The following C11orf54 variants were observed in gnomAD, a reference collection of about 807,000 sequenced individuals.
C11orf54 encodes the protein beta-keto L-gulonate decarboxylase.
In C11orf54, 29 loss-of-function variants were observed where a neutral mutation model predicts 35.5. The observed-to-expected ratio is 0.82, with a 90% CI of 0.61 to 1.11. The LOEUF (loss-of-function observed/expected upper bound fraction) is 1.11. C11orf54 is among the 50% of genes most tolerant of loss of function. The probability of loss-of-function intolerance (pLI) is 0.00; values close to 1 mark genes in which losing one functional copy is unlikely to be tolerated. For missense variants in C11orf54, 373 were observed against 369.2 expected (o/e 1.01, Z -0.08); for synonymous variants, 108 against 121.1 (o/e 0.89, Z 0.71).
At chr11:93,753,197 G>A (rs942458339) in intron 3 of C11orf54, among the ~76,000 whole-genome samples, 1 of 152,150 alleles carries the variant, frequency 6.6e-6, no homozygotes, top group Non-Finnish European at 1.5e-5. Flanking sequence ...GGCTGGTCTC[G>A]AACTCCTGAC....
Position 93,761,854 on chromosome 11 carries a change from G to A in C11orf54, c.*166G>A, listed in dbSNP as rs1010888692. On this transcript the variant is annotated 3_prime_UTR_variant, in exon 9 of 9. Transcript: ENST00000354421. Reference sequence around the variant, plus strand: ...GGAGGCTGAGGCAGGAAGCACACTGGAGCCCAGGAGTTTGAGACCAGCTTG... The same window carrying A: ...GGAGGCTGAGGCAGGAAGCACACTGAAGCCCAGGAGTTTGAGACCAGCTTG... The A allele has an allele frequency of 5.4e-6, 3 of 554,276 alleles. No individual in the cohort carries two copies. The highest frequency in any genetic ancestry group is 5.6e-6 in the Non-Finnish European group (2 of 359,646). 34.3% of individuals were successfully genotyped at this position (554,276 alleles called of 1,614,324 possible).
In C11orf54 at chr11:93,762,695, TAGA is replaced by T. The variant is rs1943531283; in HGVS notation, c.*1010_*1012del. 6.6e-6 allele frequency: 1 copy of T among 152,192 alleles called. No individual in the cohort carries two copies. Among genetic ancestry groups the T allele is most frequent in the Non-Finnish European group, 1.5e-5 (1 of 68,042 alleles). The allele number at this position is 152,192 out of a possible 1,614,324, so 9.4% of individuals were successfully genotyped here. ...TTCCTCCCTTGTTTCGATTGCCAGT[TAGA>T]AGCAATTTTTATTTCACTGGTTATT... On this transcript the variant is annotated 3_prime_UTR_variant, in exon 9 of 9. Coordinates refer to ENST00000354421, the MANE Select transcript of C11orf54 (RefSeq NM_001286069.2).
intron 5 of C11orf54, among the ~76,000 whole-genome samples, chr11:93,754,268 A>G (rs1455672009): frequency 1.3e-5 from 2 of 152,216 alleles, no homozygotes; most frequent in Non-Finnish European, 2.9e-5. Context: ...CCTTAGATAA[A>G]TGCAGGGTTC....
At chr11:93,751,269 G>GT (rs1417818668) in intron 3 of C11orf54, among the ~76,000 whole-genome samples, 2 of 152,052 alleles carry the variant, frequency 1.3e-5, no homozygotes, top group Non-Finnish European at 2.9e-5. Context: ...TGAATTGAAT[G>GT]TTTTTTGGGG....
chr11:93,754,553 C>T (rs899842151), intron 5 of C11orf54, among the ~76,000 whole-genome samples: 1 of 152,032 alleles, frequency 6.6e-6, no homozygotes, highest in South Asian at 2.1e-4. Flanking sequence ...GAATACAAGA[C>T]TTCAGTCTGC....
intron 6 of C11orf54, among the ~76,000 whole-genome samples, chr11:93,756,931 C>T (rs1056926909): frequency 6.6e-6 from 1 of 152,132 alleles, no homozygotes; most frequent in East Asian, 1.9e-4. Context: ...ATCATTTTCT[C>T]CTCATCCCCA....
At chr11:93,749,460 C>A (rs927674092) in intron 2 of C11orf54, among the ~76,000 whole-genome samples, 1 of 123,782 alleles carries the variant, frequency 8.1e-6, no homozygotes, top group African/African-American at 3.0e-5. Flanking sequence ...GCACTCCAGT[C>A]TGGGCGACAG....
At chr11:93,757,675 A>G (rs1943225919) in intron 7 of C11orf54, among the ~76,000 whole-genome samples, 1 of 152,158 alleles carries the variant, frequency 6.6e-6, no homozygotes, top group Non-Finnish European at 1.5e-5. Flanking sequence ...GATTATAGGC[A>G]TGCAGCATCA....
At chr11:93,755,435 C>T in intron 6 of C11orf54, 49 bp downstream of exon 6, 1 of 1,566,264 alleles carries the variant, frequency 6.4e-7, no homozygotes, top group Non-Finnish European at 8.7e-7. Context: ...TCTCAGAAAG[C>T]TAAAAATGTG....
rs1943208537 is a variant in C11orf54 at position 93,757,359 on chromosome 11, T to C, written c.551T>C (p.Phe184Ser). The change falls in exon 7 of 9, where the codon TTT becomes TCT. Residue 184 changes from phenylalanine (F) to serine (S), a missense_variant. Coordinates refer to ENST00000354421, the MANE Select transcript of C11orf54 (RefSeq NM_001286069.2). The stretch of plus-strand genomic sequence containing the variant: ...AAAAGAAGAACTGGACCACTTAACT[T>C]TGTGACTTGTATGAGAGAGACCCTG... ...KAKRRTGPLN[F>S]VTCMRETLEK... is the part of the protein sequence containing the mutation. The C allele has an allele frequency of 6.3e-7, 1 of 1,598,186 alleles. No individual in the cohort carries two copies. Among genetic ancestry groups the C allele is most frequent in the African/African-American group, 1.3e-5 (1 of 74,888 alleles).
rs769425143 is a variant in C11orf54 at position 93,755,259 on chromosome 11, GA to G, written c.382del (p.Ser128ValfsTer6). ...AGTGAACACAAGCCTCCTGTAAATG[GA>G]AGTTACTTTGCCCATGTGAACCCTG... ...TESEHKPPVN[G>X]SYFAHVNPAD... On this transcript the variant is annotated frameshift_variant, in exon 6 of 9. Coordinates refer to ENST00000354421, the MANE Select transcript of C11orf54 (RefSeq NM_001286069.2). LOFTEE classifies it high-confidence loss of function. The G allele has an allele frequency of 1.2e-6, 2 of 1,614,070 alleles. No homozygotes were observed. Among genetic ancestry groups the G allele is most frequent in the Non-Finnish European group, 1.7e-6 (2 of 1,180,004 alleles).
chr11:93,755,822 G>A (rs1943113172), intron 6 of C11orf54, among the ~76,000 whole-genome samples: 4 of 151,744 alleles, frequency 2.6e-5, no homozygotes, highest in Admixed American at 2.6e-4. Flanking sequence ...GTAATGAAAG[G>A]TTCAGAGAGT....
chr11:93,761,740 T>A lies in C11orf54; in HGVS notation c.*52T>A. 1 of 1,456,454 alleles carries A rather than the reference T, an allele frequency of 6.9e-7. No homozygotes were observed. The highest frequency in any genetic ancestry group is 2.5e-5 in the East Asian group (1 of 40,178). 90.2% of individuals were successfully genotyped at this position (1,456,454 alleles called of 1,614,324 possible). ...AAATAATTAAGGTTAATTAATTGAT[T>A]GACTTATTAATTAATACTGATATAA... On this transcript the variant is annotated 3_prime_UTR_variant, in exon 9 of 9. Coordinates refer to ENST00000354421, the MANE Select transcript of C11orf54 (RefSeq NM_001286069.2).
intron 2 of C11orf54, among the ~76,000 whole-genome samples, chr11:93,749,980 GTTACC>G (rs1292380937): frequency 2.0e-5 from 3 of 152,286 alleles, no homozygotes; most frequent in African/African-American, 7.2e-5. Flanking sequence ...CATATTGTCT[GTTACC>G]TTCACTGAAG....
At chr11:93,748,105 T>C (rs967770853) in intron 2 of C11orf54, among the ~76,000 whole-genome samples, 5 of 152,210 alleles carry the variant, frequency 3.3e-5, no homozygotes, top group African/African-American at 1.2e-4. Flanking sequence ...TCTCAAAATG[T>C]GATGTTCTGG....
Position 93,757,465 on chromosome 11 carries a change from G to A in C11orf54, c.657G>A (p.Met219Ile). 6.3e-7 allele frequency: 1 copy of A among 1,597,184 alleles called. No individual in the cohort carries two copies. The highest frequency in any genetic ancestry group is 8.5e-7 in the Non-Finnish European group (1 of 1,179,348). Residue 219 changes from methionine (M) to isoleucine (I), a missense_variant and splice_region_variant, in exon 7 of 9, where the codon ATG becomes ATA. Physicochemically the swap from Met to Ile is conservative, Grantham distance 10. Coordinates refer to ENST00000354421, the MANE Select transcript of C11orf54 (RefSeq NM_001286069.2). ...IQKGKVKSHIMPAEFSSCPLN... is the reference protein window; with the variant it reads ...IQKGKVKSHIIPAEFSSCPLN... ...AGGGAAAAGTGAAGTCTCACATTAT[G>A]GTAAGAGCCCATGTGTGCATACATG...
At chr11:93,748,392 C>T (rs372640882) in intron 2 of C11orf54, among the ~76,000 whole-genome samples, 2 of 152,256 alleles carry the variant, frequency 1.3e-5, no homozygotes, top group South Asian at 4.1e-4. Context: ...ACTCGATGCT[C>T]CTGCCTCGGC....
chr11:93,750,478 A>C, intron 3 of C11orf54, 34 bp downstream of exon 3: 3 of 1,442,204 alleles, frequency 2.1e-6, no homozygotes, highest in Non-Finnish European at 2.9e-6. Flanking sequence ...TTTGTTTTTT[A>C]GTCATAATCT....
chr11:93,755,060 A>T lies in C11orf54; in HGVS notation c.331-150A>T. ...CCTATAAATGTTTTCCAAGTTTTTT[A>T]TGTCTAAAATTAAATATTATGTATT... On this transcript the variant is annotated intron_variant, in intron 5 of 8. Transcript: ENST00000354421. 3.5e-6 allele frequency: 3 copies of T among 864,260 alleles called. No individual in the cohort carries two copies. In the South Asian group the frequency reaches 6.1e-5, roughly 18 times the overall value. The allele number at this position is 864,260 out of a possible 1,614,324, so 53.5% of individuals were successfully genotyped here. A position where few individuals can be genotyped will look rare whatever the true frequency, so the allele number is the denominator to read the frequency against.
Sources: allele counts gnomAD v4.1 joint callset (sites outside exome capture counted in the v4.1 genomes callset), GRCh38; gene constraint gnomAD v4.1.1; transcripts MANE v1.5; gene names NCBI Gene and HGNC (gene_info 2026-07-23, HGNC 2026-07-21).